The following CSMD1 variants were observed in gnomAD, a reference collection of about 807,000 sequenced individuals.
CSMD1 encodes CUB and Sushi multiple domains 1.
A neutral mutation model predicts 417.5 loss-of-function variants in CSMD1; 213 were observed. That is an observed-to-expected ratio of 0.51 (90% CI 0.46 to 0.57). The LOEUF (loss-of-function observed/expected upper bound fraction) is 0.57, where lower values mean the gene tolerates loss of function less well. Ranked by LOEUF, CSMD1 falls within the 20% of genes least tolerant of loss-of-function variation. The pLI is 0.00. For missense variants in CSMD1, 6,923 were observed against 4,529.7 expected (o/e 1.53, Z -15.17); for synonymous variants, 2,862 against 1,736.8 (o/e 1.65, Z -16.11).
intron 6 of CSMD1, among the ~76,000 whole-genome samples, chr8:3,718,595 C>A (rs767489716): frequency 5.3e-5 from 8 of 152,084 alleles, no homozygotes; most frequent in African/African-American, 1.9e-4. Context: ...AGATAAATGT[C>A]TCATATATGA....
intron 1 of CSMD1, among the ~76,000 whole-genome samples, chr8:4,677,704 T>G (rs1211095034): frequency 6.6e-6 from 1 of 152,176 alleles, no homozygotes; most frequent in Non-Finnish European, 1.5e-5. Flanking sequence ...CACCGTTAGA[T>G]GCAGAAAACC....
At chr8:4,865,622 C>T (rs541599325) in intron 1 of CSMD1, among the ~76,000 whole-genome samples, 20 of 151,932 alleles carry the variant, frequency 1.3e-4, no homozygotes, top group South Asian at 4.1e-4. Context: ...TCCATTTTTA[C>T]GAAGATCTAA....
chr8:3,754,992 T>C (rs763423844), intron 5 of CSMD1, among the ~76,000 whole-genome samples: 3 of 152,174 alleles, frequency 2.0e-5, no homozygotes, highest in Admixed American at 6.5e-5. Flanking sequence ...TAAGATGCAA[T>C]CAATTTCTGG....
chr8:4,729,087 C>G (rs752518965), intron 1 of CSMD1, among the ~76,000 whole-genome samples: 11 of 152,024 alleles, frequency 7.2e-5, no homozygotes, highest in Non-Finnish European at 1.3e-4. Context: ...GGATGTTCAG[C>G]CCTAAATTAT....
At chr8:3,743,020 C>T (rs1796892361) in intron 6 of CSMD1, among the ~76,000 whole-genome samples, 1 of 152,208 alleles carries the variant, frequency 6.6e-6, no homozygotes, top group Non-Finnish European at 1.5e-5. Flanking sequence ...GGAACATACG[C>T]CTAGCACACT....
intron 3 of CSMD1, among the ~76,000 whole-genome samples, chr8:4,199,214 T>A (rs1330241891): frequency 6.9e-6 from 1 of 144,932 alleles, no homozygotes; most frequent in Non-Finnish European, 1.5e-5. Context: ...CAATACCAAA[T>A]ATCCTCTTGA....
chr8:3,090,316 CAAAAAAA>C lies in CSMD1; in HGVS notation c.7285+1193_7285+1199del, dbSNP rs35534326. The stretch of plus-strand genomic sequence containing the variant: ...TGGGCAACAGAGCCAGACTGTATTT[CAAAAAAA>C]AAAAAAAAAAAAAAAAAAGAGTCTG... On this transcript the variant is annotated intron_variant, in intron 48 of 69. Transcript: ENST00000635120. Among the ~76,000 whole-genome samples the C allele has an allele frequency of 3.2e-3, 255 of 79,814 alleles. 1 individual carries two copies. Among genetic ancestry groups the C allele is most frequent in the Middle Eastern group, 0.012 (1 of 86 alleles). The allele number at this position is 79,814 out of a possible 152,430, so 52.4% of individuals were successfully genotyped here.
At chr8:4,021,418 T>C (rs952341620) in intron 4 of CSMD1, among the ~76,000 whole-genome samples, 2 of 152,198 alleles carry the variant, frequency 1.3e-5, no homozygotes, top group African/African-American at 2.4e-5. Context: ...GTGTTATATG[T>C]TGAGTGGACA....
chr8:2,978,092 T>A lies in CSMD1; in HGVS notation c.8566+520A>T, dbSNP rs563304123. 1.6e-4 allele frequency among the ~76,000 whole-genome samples: 25 copies of A among 152,268 alleles called. 1 individual carries two copies. The South Asian group carries it at 4.3e-3, about 26-fold the overall frequency. On this transcript the variant is annotated intron_variant, in intron 55 of 69. Coordinates refer to ENST00000635120, the MANE Select transcript of CSMD1 (RefSeq NM_033225.6). ...CTACTGGGTATATACTCAAAGGATA[T>A]GAGGTTTTTATTGTAGTCACCATGG... is the stretch of plus-strand genomic sequence containing the variant.
At chr8:3,951,167 G>A (rs776976134) in intron 5 of CSMD1, among the ~76,000 whole-genome samples, 5 of 152,156 alleles carry the variant, frequency 3.3e-5, no homozygotes, top group Non-Finnish European at 7.4e-5. Flanking sequence ...CAGAAGTTTT[G>A]AAGCAAATTC....
chr8:3,507,706 A>G (rs1199198229), intron 10 of CSMD1, among the ~76,000 whole-genome samples: 2 of 152,156 alleles, frequency 1.3e-5, no homozygotes, highest in Non-Finnish European at 2.9e-5. Flanking sequence ...TCTAACTGGT[A>G]TGAGATGGTA....
At chr8:3,665,330 G>C (rs1166968951) in intron 7 of CSMD1, among the ~76,000 whole-genome samples, 3 of 152,130 alleles carry the variant, frequency 2.0e-5, no homozygotes, top group African/African-American at 2.4e-5. Flanking sequence ...AGGAGTTCGA[G>C]ACCAGCCTGG....
intron 1 of CSMD1, among the ~76,000 whole-genome samples, chr8:4,913,053 T>G (rs757440683): frequency 1.6e-4 from 24 of 152,128 alleles, no homozygotes; most frequent in Non-Finnish European, 3.1e-4. Context: ...CCTCCCAAAC[T>G]GCTGGGATTA....
intron 1 of CSMD1, among the ~76,000 whole-genome samples, chr8:4,817,622 G>A (rs990025384): frequency 2.6e-5 from 4 of 152,168 alleles, no homozygotes; most frequent in African/African-American, 9.7e-5. Context: ...TTGAATCAAA[G>A]GAAACAATTT....
At chr8:3,879,831 G>GTGTGCA (rs1025241356) in intron 5 of CSMD1, among the ~76,000 whole-genome samples, 5 of 139,966 alleles carry the variant, frequency 3.6e-5, no homozygotes, top group Non-Finnish European at 1.5e-5. Context: ...ACCGGTGTGC[G>GTGTGCA]TGTGCGTGTG....
In CSMD1 at chr8:4,595,005, G is replaced by T. The variant is rs539573911; in HGVS notation, c.302+42337C>A. ...ATGAGATAAAACTAATAAATTTTGGGATCTGGAATATACTGGATTCCTTGT... is the reference window on the plus strand; with the variant it reads ...ATGAGATAAAACTAATAAATTTTGGTATCTGGAATATACTGGATTCCTTGT... On this transcript the variant is annotated intron_variant, in intron 2 of 69. Coordinates refer to ENST00000635120, the MANE Select transcript of CSMD1 (RefSeq NM_033225.6). 9.9e-5 allele frequency among the ~76,000 whole-genome samples: 15 copies of T among 152,252 alleles called. No individual in the cohort carries two copies. The East Asian group carries it at 2.9e-3, about 29-fold the overall frequency.
chr8:3,844,686 A>G (rs188552617), intron 5 of CSMD1, among the ~76,000 whole-genome samples: 54 of 152,172 alleles, frequency 3.5e-4, no homozygotes, highest in African/African-American at 1.3e-3. Context: ...ATTGTCGGGA[A>G]CTGCAGCCTC....
chr8:4,163,227 T>G (rs1042924419), intron 3 of CSMD1, among the ~76,000 whole-genome samples: 1 of 152,192 alleles, frequency 6.6e-6, no homozygotes, highest in Non-Finnish European at 1.5e-5. Flanking sequence ...ACGTAAGTTT[T>G]TAGCTCCTTC....
intron 1 of CSMD1, among the ~76,000 whole-genome samples, chr8:4,873,504 G>A (rs556088870): frequency 6.6e-6 from 1 of 152,220 alleles, no homozygotes; most frequent in Non-Finnish European, 1.5e-5. Context: ...TAGTGGAACT[G>A]GAAATGCTTC....
Sources: allele counts gnomAD v4.1 joint callset (sites outside exome capture counted in the v4.1 genomes callset), GRCh38; gene constraint gnomAD v4.1.1; transcripts MANE v1.5; gene names NCBI Gene and HGNC (gene_info 2026-07-23, HGNC 2026-07-21).